DIP2C: variants seen among roughly 807,000 people sequenced by gnomAD.
DIP2C encodes the protein DIP2 acetate--CoA ligase C (putative), also known as disco-interacting protein 2 homolog C.
In DIP2C, 33 loss-of-function variants were observed where a neutral mutation model predicts 192.4. The observed-to-expected ratio is 0.17, with a 90% CI of 0.13 to 0.23. The LOEUF (loss-of-function observed/expected upper bound fraction) is 0.23, where lower values mean the gene tolerates loss of function less well. DIP2C is among the 10% of genes least tolerant of loss of function. The probability of loss-of-function intolerance (pLI) is 1.00; values close to 1 mark genes in which losing one functional copy is unlikely to be tolerated. For missense variants in DIP2C, 1,537 were observed against 2,110.1 expected (o/e 0.73, Z 5.32); for synonymous variants, 979 against 864.1 (o/e 1.13, Z -2.33).
At chr10:675,125 TCAA>T (rs1222821449) in intron 1 of DIP2C, among the ~76,000 whole-genome samples, 5 of 151,682 alleles carry the variant, frequency 3.3e-5, no homozygotes, top group East Asian at 1.9e-4. Flanking sequence ...AAGCTATAAA[TCAA>T]CAACAAGAAC....
In DIP2C at chr10:434,563, G is replaced by C. The variant is rs529205037; in HGVS notation, c.394+6308C>G. Among the ~76,000 whole-genome samples the C allele has an allele frequency of 2.0e-5, 3 of 152,298 alleles. No individual in the cohort carries two copies. In the East Asian group the frequency reaches 5.8e-4, roughly 29 times the overall value. On this transcript the variant is annotated intron_variant, in intron 4 of 36. Coordinates refer to ENST00000280886, the MANE Select transcript of DIP2C (RefSeq NM_014974.3). The stretch of plus-strand genomic sequence containing the variant: ...GTTAGGGTGACAGGTGTGAGCCCCT[G>C]TACACAGACTCTGCTCTTCCTTTCT...
At chr10:470,003 G>A (rs1041436011) in intron 3 of DIP2C, among the ~76,000 whole-genome samples, 3 of 152,206 alleles carry the variant, frequency 2.0e-5, no homozygotes, top group African/African-American at 7.2e-5. Flanking sequence ...GAGGTGGGGA[G>A]GTGGATGGTG....
intron 3 of DIP2C, among the ~76,000 whole-genome samples, chr10:461,623 T>G (rs563755025): frequency 4.8e-4 from 73 of 152,068 alleles, no homozygotes; most frequent in African/African-American, 1.7e-3. Context: ...ATTAGACAGA[T>G]TGAGACAGAA....
intron 1 of DIP2C, among the ~76,000 whole-genome samples, chr10:641,147 A>AT (rs2131941667): frequency 6.6e-6 from 1 of 151,420 alleles, no homozygotes; most frequent in African/African-American, 2.4e-5. Flanking sequence ...TGCAAAAAAA[A>AT]AAAAATCCTA....
At chr10:306,837 C>T (rs965083308) in intron 32 of DIP2C, among the ~76,000 whole-genome samples, 1 of 152,228 alleles carries the variant, frequency 6.6e-6, no homozygotes, top group Non-Finnish European at 1.5e-5. Context: ...TTTGTCCTCA[C>T]AGGTGCCTGG....
chr10:622,107 A>C (rs1040795023), intron 1 of DIP2C, among the ~76,000 whole-genome samples: 3 of 151,204 alleles, frequency 2.0e-5, no homozygotes, highest in Non-Finnish European at 4.4e-5. Context: ...AAGGAAAGAC[A>C]TGATTCCAGG....
chr10:327,940 T>C (rs996163384), intron 30 of DIP2C, among the ~76,000 whole-genome samples: 1 of 152,146 alleles, frequency 6.6e-6, no homozygotes, highest in Non-Finnish European at 1.5e-5. Context: ...TCTGTGGCAC[T>C]ACCTGGGCCG....
rs374713106 is a variant in DIP2C at position 327,184 on chromosome 10, T to A, written c.3754-8A>T. On this transcript the variant is annotated splice_region_variant and splice_polypyrimidine_tract_variant and intron_variant, in intron 30 of 36. Coordinates refer to ENST00000280886, the MANE Select transcript of DIP2C (RefSeq NM_014974.3). Reference sequence around the variant, plus strand: ...CAAGTCCAGCCCTCGCGCCTGGAGATGATGACAGAGAAACCGAGTCAGCCC... The same window carrying A: ...CAAGTCCAGCCCTCGCGCCTGGAGAAGATGACAGAGAAACCGAGTCAGCCC... The A allele has an allele frequency of 2.5e-6, 4 of 1,612,086 alleles. No homozygotes were observed. The highest frequency in any genetic ancestry group is 3.4e-6 in the Non-Finnish European group (4 of 1,179,330).
intron 2 of DIP2C, among the ~76,000 whole-genome samples, chr10:484,121 T>C (rs1843824190): frequency 6.6e-6 from 1 of 152,238 alleles, no homozygotes; most frequent in Non-Finnish European, 1.5e-5. Flanking sequence ...GTATGTGATT[T>C]TAAAACACAT....
chr10:665,227 C>T (rs976467074), intron 1 of DIP2C: 11 of 152,154 alleles, frequency 7.2e-5, no homozygotes, highest in African/African-American at 2.7e-4. Flanking sequence ...ATAAAATATA[C>T]ATATATACCT....
chr10:670,141 C>A (rs1029602734), intron 1 of DIP2C, among the ~76,000 whole-genome samples: 4 of 152,062 alleles, frequency 2.6e-5, no homozygotes, highest in African/African-American at 4.8e-5. Flanking sequence ...CACGCATACA[C>A]GTGTACACAT....
intron 3 of DIP2C, among the ~76,000 whole-genome samples, chr10:467,706 G>C (rs1055751935): frequency 2.0e-5 from 3 of 151,080 alleles, no homozygotes; most frequent in African/African-American, 7.3e-5. Flanking sequence ...CACCAGAACA[G>C]AAAACTAAAC....
intron 3 of DIP2C, 147 bp downstream of exon 3, chr10:472,292 G>A (rs1238407736): frequency 3.3e-6 from 2 of 611,868 alleles, no homozygotes; most frequent in African/African-American, 1.9e-5. Flanking sequence ...TCTCCCGAGA[G>A]GGTGTGTCCG....
chr10:378,430 C>G (rs1961902352), intron 17 of DIP2C, among the ~76,000 whole-genome samples: 1 of 152,222 alleles, frequency 6.6e-6, no homozygotes, highest in Non-Finnish European at 1.5e-5. Context: ...CATGCATGAA[C>G]AGGCATGCAT....
chr10:465,484 G>C (rs1483413463), intron 3 of DIP2C, among the ~76,000 whole-genome samples: 1 of 151,960 alleles, frequency 6.6e-6, no homozygotes, highest in Non-Finnish European at 1.5e-5. Flanking sequence ...GCACGACACA[G>C]GGATGCCCTC....
chr10:348,677 G>A lies in DIP2C; in HGVS notation c.3195C>T (p.Ile1065=), dbSNP rs772693403. 11 of 1,613,666 alleles carry A rather than the reference G, an allele frequency of 6.8e-6. No homozygotes were observed. Among genetic ancestry groups the A allele is most frequent in the South Asian group, 5.5e-5 (5 of 91,020 alleles). The part of the protein sequence containing the change: ...ITVRPPHPQN[I]ATTLPTVKMI... ...TCTTGACGGTAGGCAACGTCGTCGC[G>A]ATGTTCTGTGGGTGCGGGGGACGGA... The change falls in exon 26 of 37, where the codon ATC becomes ATT. Residue 1065 remains isoleucine, a synonymous_variant. Transcript: ENST00000280886.
intron 1 of DIP2C, among the ~76,000 whole-genome samples, chr10:492,932 A>G (rs1329546575): frequency 6.6e-6 from 1 of 152,224 alleles, no homozygotes; most frequent in Non-Finnish European, 1.5e-5. Flanking sequence ...CTGATGTTAA[A>G]AGAGAATAAT....
At chr10:681,168 C>G (rs368172503) in intron 1 of DIP2C, among the ~76,000 whole-genome samples, 3 of 151,776 alleles carry the variant, frequency 2.0e-5, no homozygotes, top group South Asian at 2.1e-4. Context: ...CCTGTGGCCA[C>G]AGAAATTCCA....
At chr10:301,056 A>G (rs1956021779) in intron 32 of DIP2C, among the ~76,000 whole-genome samples, 1 of 152,190 alleles carries the variant, frequency 6.6e-6, no homozygotes, top group East Asian at 1.9e-4. Context: ...GCAGGAGGGT[A>G]GGCTCAGCAG....
Sources: allele counts gnomAD v4.1 joint callset (sites outside exome capture counted in the v4.1 genomes callset), GRCh38; gene constraint gnomAD v4.1.1; transcripts MANE v1.5; gene names NCBI Gene and HGNC (gene_info 2026-07-23, HGNC 2026-07-21).